VNN2: variants seen among roughly 807,000 people sequenced by gnomAD.
VNN2 encodes vanin 2, also known as pantetheine hydrolase VNN2.
In VNN2, 43 loss-of-function variants were observed where a neutral mutation model predicts 43.0. That is an observed-to-expected ratio of 1.00 (90% confidence interval 0.78 to 1.29). The LOEUF is 1.29. Among genes scored for constraint, VNN2 ranks in the 50% most tolerant of loss-of-function variants. The pLI, the probability that VNN2 is intolerant of heterozygous loss-of-function variation, is 0.00. For synonymous variants in VNN2, 230 were observed against 224.3 expected (o/e 1.03, Z -0.23); for missense variants, 652 against 619.7 (o/e 1.05, Z -0.55).
intron 6 of VNN2, among the ~76,000 whole-genome samples, chr6:132,747,398 C>G (rs1369229072): frequency 1.3e-5 from 2 of 152,052 alleles, no homozygotes; most frequent in Non-Finnish European, 2.9e-5. Flanking sequence ...TGGCAGATCA[C>G]TAGATGTTAG....
Position 132,744,404 on chromosome 6 carries a change from C to G in VNN2, c.1459G>C (p.Asp487His), listed in dbSNP as rs1779599721. 6.2e-7 allele frequency: 1 copy of G among 1,613,420 alleles called. No homozygotes were observed. The highest frequency in any genetic ancestry group is 8.5e-7 in the Non-Finnish European group (1 of 1,179,796). ...GTCCCACATGAGCTGTAAAGTGAGT[C>G]CTTTGTGTACCACCTCCCAAAGAGT... is the stretch of plus-strand genomic sequence containing the variant. ...VSLFGRWYTK[D>H]SLYSSCGTSN... Residue 487 changes from aspartate (D) to histidine (H), a missense_variant, in exon 7 of 7, where the codon GAC becomes CAC. Asp to His is a moderately conservative substitution (Grantham distance 81). Transcript: ENST00000326499.
At chr6:132,761,956 T>C (rs1263235092), upstream of VNN2, among the ~76,000 whole-genome samples, 1 of 152,222 alleles carries the variant, frequency 6.6e-6, no homozygotes, top group Non-Finnish European at 1.5e-5. Context: ...ATGACAATAA[T>C]TAACAAAAGT....
At chr6:132,754,202 G>A (rs967554042) in intron 3 of VNN2, among the ~76,000 whole-genome samples, 54 of 152,062 alleles carry the variant, frequency 3.6e-4, no homozygotes, top group African/African-American at 1.1e-3. Context: ...AAACTGCATT[G>A]AAAGATAATA....
At chr6:132,757,240 A>G (rs1189309201) in intron 2 of VNN2, among the ~76,000 whole-genome samples, 176 bp downstream of exon 2, 2 of 152,262 alleles carry the variant, frequency 1.3e-5, no homozygotes, top group Non-Finnish European at 2.9e-5. Flanking sequence ...TTTCAATCAC[A>G]AAAGATTGTT....
chr6:132,749,883 A>T lies in VNN2; in HGVS notation c.1201-18T>A, dbSNP rs1334812053. On this transcript the variant is annotated intron_variant, in intron 5 of 6. Coordinates refer to ENST00000326499, the MANE Select transcript of VNN2 (RefSeq NM_004665.6). Reference sequence around the variant, plus strand: ...GTGCAGACCTATGTGGAACAAACGCAGATAAAACGCAATGCCTTACATTGA... The same window carrying T: ...GTGCAGACCTATGTGGAACAAACGCTGATAAAACGCAATGCCTTACATTGA... The T allele has an allele frequency of 6.2e-7, 1 of 1,603,200 alleles. No individual in the cohort carries two copies.
rs1197993661 is a variant in VNN2 at position 132,751,078 on chromosome 6, C to T, written c.1200+67G>A. The T allele has an allele frequency of 1.2e-5, 18 of 1,518,362 alleles. No individual in the cohort carries two copies. The Admixed American group carries it at 3.8e-4, about 32-fold the overall frequency. 94.1% of individuals were successfully genotyped at this position (1,518,362 alleles called of 1,614,324 possible). On this transcript the variant is annotated intron_variant, in intron 5 of 6. Coordinates refer to ENST00000326499, the MANE Select transcript of VNN2 (RefSeq NM_004665.6). The stretch of plus-strand genomic sequence containing the variant: ...AGGAAAAGCACCTGGTTTTCTGGAA[C>T]AAATATAAAAAGTTAACCTGGAATT...
intron 5 of VNN2, 75 bp from the exon 6 acceptor site, chr6:132,749,940 T>A: frequency 7.3e-7 from 1 of 1,365,346 alleles, no homozygotes; most frequent in Non-Finnish European, 1.0e-6. Context: ...TGCCTTAGTT[T>A]TTAACTACAG....
At chr6:132,752,336 T>C in intron 4 of VNN2, 125 bp downstream of exon 4, 2 of 1,152,756 alleles carry the variant, frequency 1.7e-6, no homozygotes, top group Non-Finnish European at 2.4e-6. Context: ...TTTTTTCTAT[T>C]GTGAAACTAT....
chr6:132,758,001 TTCTTC>T (rs1562253974), upstream of VNN2: 119 of 165,638 alleles, frequency 7.2e-4, 14 homozygotes, highest in Admixed American at 2.3e-3. Flanking sequence ...ATCATCATTT[TTCTTC>T]TTCTTCTTCT....
In VNN2 at chr6:132,752,523, G is replaced by T. The variant is rs143802266; in HGVS notation, c.764C>A (p.Ala255Glu). 10 of 1,614,092 alleles carry T rather than the reference G, an allele frequency of 6.2e-6. No individual in the cohort carries two copies. In the East Asian group the frequency reaches 2.2e-4, roughly 36 times the overall value. ...LTAIEFHSAW[A>E]MGMGVNLLVA... ...AAGAAGATTAACTCCCATTCCCATTGCCCAAGCTGAATGGAATTCAATAGC... is the reference window on the plus strand; with the variant it reads ...AAGAAGATTAACTCCCATTCCCATTTCCCAAGCTGAATGGAATTCAATAGC... Residue 255 changes from alanine (A) to glutamate (E), a missense_variant, in exon 4 of 7, where the codon GCA becomes GAA. By Grantham distance (107) the Ala-to-Glu change is moderately radical. Coordinates refer to ENST00000326499, the MANE Select transcript of VNN2 (RefSeq NM_004665.6).
Position 132,757,899 on chromosome 6 carries a change from A to G in VNN2, c.-16T>C, listed in dbSNP as rs774781003. The G allele has an allele frequency of 8.7e-6, 14 of 1,603,570 alleles. No individual in the cohort carries two copies. The highest frequency in any genetic ancestry group is 4.0e-5 in the African/African-American group (3 of 74,446). ...AAGTGACCATGGCCAAGGTTTAGTG[A>G]TTTCTGAAAGCAAAAATAACATTCA... On this transcript the variant is annotated 5_prime_UTR_variant, in exon 1 of 7. Transcript: ENST00000326499.
intron 6 of VNN2, among the ~76,000 whole-genome samples, chr6:132,746,731 C>T (rs1277731429): frequency 6.6e-6 from 1 of 152,148 alleles, no homozygotes; most frequent in Non-Finnish European, 1.5e-5. Flanking sequence ...ATCATTTGTA[C>T]TTTTGAGAGG....
intron 3 of VNN2, among the ~76,000 whole-genome samples, chr6:132,754,648 T>C (rs1386162072): frequency 6.6e-6 from 1 of 152,246 alleles, no homozygotes; most frequent in Non-Finnish European, 1.5e-5. Flanking sequence ...AAGGCCAGGC[T>C]TCTTTCTCTA....
At position 132,744,135 on chromosome 6, in the gene VNN2, C is replaced by T. The variant is rs1779579224; in HGVS notation, c.*165G>A. ...TCAGAGTAGCCAAAAAAATGGACAA[C>T]ATTATCATAATACTTAAAAAATAAT... On this transcript the variant is annotated 3_prime_UTR_variant, in exon 7 of 7. Coordinates refer to ENST00000326499, the MANE Select transcript of VNN2 (RefSeq NM_004665.6). 1 of 576,644 alleles carries T rather than the reference C, an allele frequency of 1.7e-6. No homozygotes were observed. Among genetic ancestry groups the T allele is most frequent in the Non-Finnish European group, 2.8e-6 (1 of 361,706 alleles). 35.7% of individuals were successfully genotyped at this position (576,644 alleles called of 1,614,324 possible).
Position 132,755,862 on chromosome 6 carries a change from A to T in VNN2, c.518T>A (p.Leu173His), listed in dbSNP as rs765181249. 9.9e-6 allele frequency: 16 copies of T among 1,612,716 alleles called. No homozygotes were observed. Among genetic ancestry groups the T allele is most frequent in the South Asian group, 8.8e-5 (8 of 90,820 alleles). ...TCTTACCTTATGGTAACGTGCCACGAGTTTTCCTTCTGTATTATACACCAC... is the reference window on the plus strand; with the variant it reads ...TCTTACCTTATGGTAACGTGCCACGTGTTTTCCTTCTGTATTATACACCAC... ...TNVVYNTEGK[L>H]VARYHKYHLY... The change falls in exon 3 of 7, where the codon CTC becomes CAC. Residue 173 changes from leucine to histidine, a missense_variant. Coordinates refer to ENST00000326499, the MANE Select transcript of VNN2 (RefSeq NM_004665.6).
intron 1 of VNN2, among the ~76,000 whole-genome samples, chr6:132,763,227 TAA>T (rs76819413): frequency 6.9e-6 from 1 of 143,896 alleles, no homozygotes. Context: ...ATCGCAGACT[TAA>T]AAAAAAAAAA....
At chr6:132,749,992 T>C (rs1441391704) in intron 5 of VNN2, 127 bp from the exon 6 acceptor site, 2 of 915,758 alleles carry the variant, frequency 2.2e-6, no homozygotes, top group Admixed American at 6.6e-5. Flanking sequence ...ATTTGGATCA[T>C]GTGTCTTATA....
In VNN2 at chr6:132,744,334, A is replaced by T. The variant is rs138889897; in HGVS notation, c.1529T>A (p.Met510Lys). The T allele has an allele frequency of 6.2e-7, 1 of 1,613,072 alleles. No homozygotes were observed. Among genetic ancestry groups the T allele is most frequent in the Non-Finnish European group, 8.5e-7 (1 of 1,179,748 alleles). Residue 510 changes from methionine to lysine, a missense_variant, in exon 7 of 7, where the codon ATG becomes AAG. Coordinates refer to ENST00000326499, the MANE Select transcript of VNN2 (RefSeq NM_004665.6). The stretch of plus-strand genomic sequence containing the variant: ...TACAATATTTTGCAAAGCTATGATC[A>T]TTAATAATATGAATATTAGCAGGTA... ...ITYLLIFILL[M>K]IIALQNIVML
upstream of VNN2, among the ~76,000 whole-genome samples, chr6:132,758,655 C>G (rs6911025): frequency 5.3e-5 from 8 of 151,664 alleles, no homozygotes; most frequent in Non-Finnish European, 8.8e-5. Flanking sequence ...TATTTTTAGA[C>G]GGGGGGGAAA....
Sources: allele counts gnomAD v4.1 joint callset (sites outside exome capture counted in the v4.1 genomes callset), GRCh38; gene constraint gnomAD v4.1.1; transcripts MANE v1.5; gene names NCBI Gene and HGNC (gene_info 2026-07-23, HGNC 2026-07-21).